MSRA: variants seen among roughly 807,000 people sequenced by gnomAD.
The protein encoded by MSRA is mitochondrial peptide methionine sulfoxide reductase.
A neutral mutation model predicts 31.3 loss-of-function variants in MSRA; 54 were observed. The observed-to-expected ratio is 1.73, with a 90% CI of 1.39 to 2.17. The LOEUF is 2.17. Ranked by LOEUF, MSRA falls within the 30% of genes most tolerant of loss-of-function variation. The probability of loss-of-function intolerance (pLI) is 0.00; values close to 1 mark genes in which losing one functional copy is unlikely to be tolerated. For synonymous variants in MSRA, 169 were observed against 116.5 expected (o/e 1.45, Z -2.90); for missense variants, 507 against 300.9 (o/e 1.69, Z -5.07).
intron 1 of MSRA, among the ~76,000 whole-genome samples, chr8:10,178,548 A>C (rs1365315776): frequency 6.6e-6 from 1 of 152,272 alleles, no homozygotes; most frequent in Admixed American, 6.5e-5. Context: ...ACAGAGTTAT[A>C]AGTGCAGCGA....
At chr8:10,418,712 T>G (rs562737465) in intron 5 of MSRA, among the ~76,000 whole-genome samples, 45 of 148,038 alleles carry the variant, frequency 3.0e-4, no homozygotes, top group African/African-American at 1.1e-3. Context: ...TAAGGACTTC[T>G]AGAGATAGTA....
chr8:10,061,819 A>T (rs1431328331), intron 1 of MSRA, among the ~76,000 whole-genome samples: 1 of 152,008 alleles, frequency 6.6e-6, no homozygotes, highest in Non-Finnish European at 1.5e-5. Context: ...TCCCTGAGTT[A>T]TTTTTGTGAC....
chr8:10,375,374 G>T (rs943858728), intron 5 of MSRA, among the ~76,000 whole-genome samples: 2 of 152,228 alleles, frequency 1.3e-5, no homozygotes, highest in Non-Finnish European at 2.9e-5. Flanking sequence ...GAAGGTAGAT[G>T]AAGAACCTTC....
intron 1 of MSRA, among the ~76,000 whole-genome samples, chr8:10,055,170 T>TGGAA (rs113194554): frequency 2.0e-5 from 3 of 152,060 alleles, no homozygotes; most frequent in African/African-American, 7.2e-5. Context: ...GTGTTCTGGC[T>TGGAA]GAGTCACCCC....
At chr8:10,251,480 C>A (rs1797913329) in intron 3 of MSRA, among the ~76,000 whole-genome samples, 1 of 152,188 alleles carries the variant, frequency 6.6e-6, no homozygotes, top group Non-Finnish European at 1.5e-5. Context: ...TGCAAGAATT[C>A]TGGTGTTCAG....
chr8:10,180,320 G>T (rs956333766), intron 1 of MSRA, among the ~76,000 whole-genome samples: 3 of 152,192 alleles, frequency 2.0e-5, no homozygotes, highest in Non-Finnish European at 4.4e-5. Flanking sequence ...ATGTGGAAGG[G>T]GTGCAGAGCT....
At chr8:10,406,250 C>T (rs1807811644) in intron 5 of MSRA, among the ~76,000 whole-genome samples, 3 of 152,234 alleles carry the variant, frequency 2.0e-5, no homozygotes, top group South Asian at 2.1e-4. Context: ...CTTGCAGTCA[C>T]GGCAGCTTGT....
chr8:10,171,717 C>G (rs919318982), intron 1 of MSRA, among the ~76,000 whole-genome samples: 1 of 152,184 alleles, frequency 6.6e-6, no homozygotes, highest in Non-Finnish European at 1.5e-5. Context: ...CATGTGTAAA[C>G]ACTTTGAACA....
intron 5 of MSRA, among the ~76,000 whole-genome samples, chr8:10,340,545 G>C (rs1436421093): frequency 6.6e-6 from 1 of 152,190 alleles, no homozygotes; most frequent in Non-Finnish European, 1.5e-5. Flanking sequence ...GCTAGTTTTT[G>C]TATTTTTGGT....
intron 5 of MSRA, among the ~76,000 whole-genome samples, chr8:10,363,466 T>A (rs1054165631): frequency 2.0e-5 from 3 of 151,778 alleles, no homozygotes; most frequent in Admixed American, 6.6e-5. Flanking sequence ...GAAGTGGGAG[T>A]TCCCTTAGCA....
At chr8:10,075,773 T>A (rs1797966670) in intron 1 of MSRA, among the ~76,000 whole-genome samples, 1 of 152,212 alleles carries the variant, frequency 6.6e-6, no homozygotes, top group Non-Finnish European at 1.5e-5. Flanking sequence ...AGAGCAATAT[T>A]ATTCTCTGGA....
intron 1 of MSRA, among the ~76,000 whole-genome samples, chr8:10,159,117 GTAGTGGCAGT>G (rs1485273158): frequency 2.0e-5 from 3 of 152,340 alleles, no homozygotes; most frequent in African/African-American, 7.2e-5. Context: ...ACAGGCCAAG[GTAGTGGCAGT>G]AAGAATGGTG....
chr8:10,216,054 A>T lies in MSRA; in HGVS notation c.211+8153A>T, dbSNP rs1272467639. Among the ~76,000 whole-genome samples the T allele has an allele frequency of 2.6e-5, 4 of 152,334 alleles. No individual in the cohort carries two copies. The East Asian group carries it at 7.7e-4, about 29-fold the overall frequency. ...AAAAAAGTTACTCATTATTAAATTT[A>T]ACCCAACTAGCATTTTTAAGAAAAA... On this transcript the variant is annotated intron_variant, in intron 2 of 5. Coordinates refer to ENST00000317173, the MANE Select transcript of MSRA (RefSeq NM_012331.5).
chr8:10,073,382 T>C (rs1797837389), intron 1 of MSRA, among the ~76,000 whole-genome samples: 1 of 152,236 alleles, frequency 6.6e-6, no homozygotes, highest in African/African-American at 2.4e-5. Flanking sequence ...GGCATGCTTA[T>C]TGCTTTAGCT....
At chr8:10,168,529 G>A (rs941718609) in intron 1 of MSRA, among the ~76,000 whole-genome samples, 2 of 152,194 alleles carry the variant, frequency 1.3e-5, no homozygotes, top group South Asian at 4.1e-4. Context: ...GAGGGAAGTA[G>A]CATTGATTTA....
At chr8:10,338,544 G>A (rs1022832133) in intron 5 of MSRA, among the ~76,000 whole-genome samples, 1 of 152,132 alleles carries the variant, frequency 6.6e-6, no homozygotes, top group Non-Finnish European at 1.5e-5. Flanking sequence ...TTGCTAACTG[G>A]CTTCATTTGA....
At chr8:10,350,979 C>T (rs932770618) in intron 5 of MSRA, among the ~76,000 whole-genome samples, 1 of 146,016 alleles carries the variant, frequency 6.8e-6, no homozygotes, top group African/African-American at 2.5e-5. Flanking sequence ...TTTAAACCAC[C>T]CTCCAGAACT....
chr8:10,347,579 C>T (rs978682223), intron 5 of MSRA, among the ~76,000 whole-genome samples: 2 of 152,178 alleles, frequency 1.3e-5, no homozygotes, highest in Non-Finnish European at 2.9e-5. Flanking sequence ...CTCAGCCTGC[C>T]GCCTGGTCAC....
chr8:10,241,535 GT>G (rs1431803169), intron 2 of MSRA, among the ~76,000 whole-genome samples: 4 of 152,318 alleles, frequency 2.6e-5, no homozygotes, highest in African/African-American at 9.6e-5. Context: ...TATCTTCCCT[GT>G]CCCATGTGAA....
Sources: allele counts gnomAD v4.1 joint callset (sites outside exome capture counted in the v4.1 genomes callset), GRCh38; gene constraint gnomAD v4.1.1; transcripts MANE v1.5; gene names NCBI Gene and HGNC (gene_info 2026-07-23, HGNC 2026-07-21).